PCDHA2: variants seen among roughly 807,000 people sequenced by gnomAD.
The protein encoded by PCDHA2 is protocadherin alpha-2.
In PCDHA2, 58 loss-of-function variants were observed where a neutral mutation model predicts 66.0. That is an observed-to-expected ratio of 0.88 (90% CI 0.71 to 1.09). The LOEUF (loss-of-function observed/expected upper bound fraction) is 1.09, where lower values mean the gene tolerates loss of function less well. Among genes scored for constraint, PCDHA2 ranks in the 50% least tolerant of loss-of-function variants. The pLI, the probability that PCDHA2 is intolerant of heterozygous loss-of-function variation, is 0.00. For missense variants in PCDHA2, 1,267 were observed against 1,242.3 expected, an observed-to-expected ratio of 1.02 and a Z score of -0.30; for synonymous variants, 634 against 554.0, an observed-to-expected ratio of 1.14 and a Z score of -2.03.
rs2150393367 is a variant in PCDHA2, at chr5:140,846,648, A to T, written c.2388+49296A>T. 2.0e-5 allele frequency among the ~76,000 whole-genome samples: 3 copies of T among 149,386 alleles called. No individual in the cohort carries two copies. The South Asian group carries it at 6.4e-4, about 32-fold the overall frequency. On this transcript the variant is annotated intron_variant, in intron 1 of 3. Coordinates refer to ENST00000526136, the MANE Select transcript of PCDHA2 (RefSeq NM_018905.3). ...TTCGGCCTCCTAAAGTGCTGGGATT[A>T]CAGGCATGAGCCACCGCGCCCAGCC...
At chr5:140,998,903 G>C (rs1465203456) in intron 3 of PCDHA2, among the ~76,000 whole-genome samples, 1 of 152,156 alleles carries the variant, frequency 6.6e-6, no homozygotes, top group East Asian at 1.9e-4. Context: ...CAATGCCTCC[G>C]GGAGGTAGCT....
At chr5:140,812,568 T>C (rs1765138041) in intron 1 of PCDHA2, 1 of 152,174 alleles carries the variant, frequency 6.6e-6, no homozygotes, top group Non-Finnish European at 1.5e-5. Context: ...AGTTTTTTAT[T>C]TGAGATCTTT....
chr5:140,858,198 C>G, intron 1 of PCDHA2: 1 of 1,597,410 alleles, frequency 6.3e-7, no homozygotes, highest in Admixed American at 1.7e-5. Flanking sequence ...CTGCTGTACA[C>G]TGCACTGAGG....
rs1485742296 is a variant in PCDHA2, at chr5:140,974,143, T to C, written c.2389-4806T>C. On this transcript the variant is annotated intron_variant, in intron 1 of 3. Transcript: ENST00000526136. ...GTTTTAAATCTGCTAACCTGAAAACTATACAAGGGTTTTTCTTTCAAGAAT... is the reference window on the plus strand; with the variant it reads ...GTTTTAAATCTGCTAACCTGAAAACCATACAAGGGTTTTTCTTTCAAGAAT... 2.0e-5 allele frequency among the ~76,000 whole-genome samples: 3 copies of C among 152,324 alleles called. No homozygotes were observed. The East Asian group carries it at 5.8e-4, about 29-fold the overall frequency.
chr5:140,910,808 G>A (rs535429898), intron 1 of PCDHA2, among the ~76,000 whole-genome samples: 1 of 152,170 alleles, frequency 6.6e-6, no homozygotes, highest in South Asian at 2.1e-4. Flanking sequence ...TGCTTAGTGG[G>A]CCCAAATCAA....
In PCDHA2 at chr5:140,928,656, T is replaced by A. The variant is rs116598649; in HGVS notation, c.2389-50293T>A. ...TCACAAAAGTGGTAGCAGAGGATGC[T>A]GACAGTGGTTCTAATGCCTGGCTTT... On this transcript the variant is annotated intron_variant, in intron 1 of 3. Transcript: ENST00000526136. 5,180 of 1,614,228 alleles carry A rather than the reference T, an allele frequency of 3.2e-3. 26 individuals are homozygous for A. Among genetic ancestry groups the A allele is most frequent in the African/African-American group, 0.019 (1,449 of 75,056 alleles).
intron 1 of PCDHA2, among the ~76,000 whole-genome samples, chr5:140,964,473 T>C (rs1457345251): frequency 6.6e-6 from 1 of 152,068 alleles, no homozygotes; most frequent in Non-Finnish European, 1.5e-5. Flanking sequence ...TGCCTATGAT[T>C]TTTTCACAGT....
At chr5:140,884,301 C>G (rs375535055) in intron 1 of PCDHA2, 2 of 1,613,726 alleles carry the variant, frequency 1.2e-6, no homozygotes, top group South Asian at 1.1e-5. Context: ...GCGCCACAGG[C>G]TTCGTCGAGG....
At chr5:140,870,906 C>A (rs201710263) in intron 1 of PCDHA2, 2 of 1,613,946 alleles carry the variant, frequency 1.2e-6, no homozygotes, top group South Asian at 2.2e-5. Flanking sequence ...CGGACTCAGG[C>A]TACAACGCGT....
chr5:140,845,716 T>C (rs1554140984), intron 1 of PCDHA2, among the ~76,000 whole-genome samples: 1 of 149,718 alleles, frequency 6.7e-6, no homozygotes, highest in Non-Finnish European at 1.5e-5. Context: ...TATGTATGCA[T>C]GATAAATGTG....
chr5:141,010,403 G>T lies in PCDHA2; in HGVS notation c.*466G>T. ...ATATTGGCTGAGACGAGCCAGCTTA[G>T]ACTAATTGGTACAAGGAAGGCAAGA... On this transcript the variant is annotated 3_prime_UTR_variant, in exon 4 of 4. Transcript: ENST00000526136. 2 of 1,285,614 alleles carry T rather than the reference G, an allele frequency of 1.6e-6. No individual in the cohort carries two copies. Among genetic ancestry groups the T allele is most frequent in the Non-Finnish European group, 2.1e-6 (2 of 956,000 alleles). The allele number at this position is 1,285,614 out of a possible 1,614,324, so 79.6% of individuals were successfully genotyped here. A position where few individuals can be genotyped will look rare whatever the true frequency, so the allele number is the denominator to read the frequency against.
intron 3 of PCDHA2, among the ~76,000 whole-genome samples, chr5:140,983,533 G>A (rs1195364351): frequency 6.6e-6 from 1 of 152,208 alleles, no homozygotes; most frequent in Non-Finnish European, 1.5e-5. Flanking sequence ...TACATTGTAT[G>A]TGTGGTCTCA....
intron 1 of PCDHA2, among the ~76,000 whole-genome samples, chr5:140,978,595 G>A (rs2096811492): frequency 6.6e-6 from 1 of 152,214 alleles, no homozygotes; most frequent in African/African-American, 2.4e-5. Flanking sequence ...CCTTAATGGG[G>A]CACTTGAGGG....
chr5:140,821,558 C>T (rs2150061714), intron 1 of PCDHA2: 1 of 521,892 alleles, frequency 1.9e-6, no homozygotes, highest in East Asian at 3.1e-5. Context: ...CACATGATGT[C>T]GCTGGACACC....
At chr5:140,968,862 G>C (rs375652776) in intron 1 of PCDHA2, 3 of 1,614,126 alleles carry the variant, frequency 1.9e-6, no homozygotes, top group Middle Eastern at 1.7e-4. Context: ...AAGAGCCCTC[G>C]GACATACTCT....
intron 1 of PCDHA2, among the ~76,000 whole-genome samples, chr5:140,880,237 T>C (rs2058279701): frequency 6.6e-6 from 1 of 152,148 alleles, no homozygotes; most frequent in Non-Finnish European, 1.5e-5. Flanking sequence ...AATTAGTGTA[T>C]GTGCGTGTGT....
chr5:140,850,353 A>G, intron 1 of PCDHA2: 1 of 1,597,852 alleles, frequency 6.3e-7, no homozygotes, highest in Non-Finnish European at 8.6e-7. Context: ...CAGCGCGAGC[A>G]TCCCGTTCCG....
At chr5:140,820,237 T>A (rs2150106337) in intron 1 of PCDHA2, among the ~76,000 whole-genome samples, 8,891 of 152,012 alleles carry the variant, frequency 0.058, 861 homozygotes, top group African/African-American at 0.2. Flanking sequence ...ATAATAGAGA[T>A]AGTAAAAATC....
intron 1 of PCDHA2, chr5:140,928,625 A>T: frequency 6.2e-7 from 1 of 1,614,224 alleles, no homozygotes; most frequent in African/African-American, 1.3e-5. Flanking sequence ...AGGACTGGAC[A>T]CTTGGTCACA....
Sources: allele counts gnomAD v4.1 joint callset (sites outside exome capture counted in the v4.1 genomes callset), GRCh38; gene constraint gnomAD v4.1.1; transcripts MANE v1.5; gene names NCBI Gene and HGNC (gene_info 2026-07-23, HGNC 2026-07-21).